Variants in MRTFA observed in about 807,000 individuals in gnomAD.
MRTFA encodes the protein myocardin-related transcription factor A.
A neutral mutation model predicts 83.5 loss-of-function variants in MRTFA; 20 were observed. That is an observed-to-expected ratio of 0.24 (90% CI 0.17 to 0.35). MRTFA has a LOEUF of 0.35. Among genes scored for constraint, MRTFA ranks in the 10% least tolerant of loss-of-function variants. MRTFA has a pLI of 1.00. For synonymous variants in MRTFA, 659 were observed against 541.2 expected, an observed-to-expected ratio of 1.22 and a Z score of -3.02; for missense variants, 1,200 against 1,224.7, an observed-to-expected ratio of 0.98 and a Z score of 0.30.
chr22:40,583,061 A>G (rs2055974285), intron 2 of MRTFA, among the ~76,000 whole-genome samples: 1 of 151,716 alleles, frequency 6.6e-6, no homozygotes, highest in Non-Finnish European at 1.5e-5. Flanking sequence ...AAATGGAGCT[A>G]TGAAAGAGCC....
At chr22:40,620,386 A>C (rs1165410443) in intron 1 of MRTFA, among the ~76,000 whole-genome samples, 1 of 149,782 alleles carries the variant, frequency 6.7e-6, no homozygotes, top group Admixed American at 6.6e-5. Context: ...AACCTCCCAA[A>C]GTGCTGGGAT....
At chr22:40,538,577 T>TA (rs61145348) in intron 3 of MRTFA, among the ~76,000 whole-genome samples, 107,031 of 150,312 alleles carry the variant, frequency 0.71, 38,297 homozygotes, top group African/African-American at 0.76. Context: ...AAAAATAAAT[T>TA]AAAAAAAAAA....
intron 4 of MRTFA, among the ~76,000 whole-genome samples, chr22:40,444,575 G>A (rs749085722): frequency 5.9e-5 from 9 of 152,084 alleles, no homozygotes; most frequent in Non-Finnish European, 8.8e-5. Context: ...GAATGACAGC[G>A]TATTTCTCAT....
chr22:40,555,569 A>G (rs1186074436), intron 2 of MRTFA, among the ~76,000 whole-genome samples: 2 of 150,952 alleles, frequency 1.3e-5, no homozygotes, highest in African/African-American at 4.8e-5. Flanking sequence ...ATTAAACCTC[A>G]TAAATTAAAA....
At chr22:40,533,517 A>T in intron 3 of MRTFA, 3 of 943,264 alleles carry the variant, frequency 3.2e-6, no homozygotes, top group Non-Finnish European at 4.1e-6. Context: ...CATTTTTTTT[A>T]AAGAAGCCTG....
chr22:40,412,324 A>G (rs2052575505), intron 14 of MRTFA: 1 of 153,668 alleles, frequency 6.5e-6, no homozygotes, highest in Non-Finnish European at 1.4e-5. Flanking sequence ...AATTTTTAAG[A>G]AAGTATTGGT....
chr22:40,596,520 G>C (rs1057439015), intron 1 of MRTFA, among the ~76,000 whole-genome samples: 2 of 152,110 alleles, frequency 1.3e-5, no homozygotes, highest in African/African-American at 4.8e-5. Flanking sequence ...GCAAAAATTA[G>C]GCTGGGCGCA....
At chr22:40,499,987 TCTCGG>T (rs927700560) in intron 3 of MRTFA, among the ~76,000 whole-genome samples, 1 of 134,374 alleles carries the variant, frequency 7.4e-6, no homozygotes, top group African/African-American at 2.8e-5. Flanking sequence ...AATGGTACGA[TCTCGG>T]CTCACCGGCT....
rs1036758430 is a variant in MRTFA at position 40,571,365 on chromosome 22, C to T, written c.-21-18998G>A. Among the ~76,000 whole-genome samples the T allele has an allele frequency of 7.2e-5, 11 of 152,114 alleles. No homozygotes were observed. In the South Asian group the frequency reaches 2.1e-3, roughly 29 times the overall value. The stretch of plus-strand genomic sequence containing the variant: ...ATCTTCATGACCTTCAATTAGGCAA[C>T]GGCTTCCTAAATAAAACAAAGTACA... On this transcript the variant is annotated intron_variant, in intron 2 of 14. Transcript: ENST00000355630.
intron 14 of MRTFA, among the ~76,000 whole-genome samples, chr22:40,413,059 C>G (rs556467750): frequency 2.0e-5 from 3 of 147,348 alleles, no homozygotes; most frequent in African/African-American, 7.6e-5. Flanking sequence ...ATGGCTTGAA[C>G]CCGGGAGGCG....
At position 40,435,670 on chromosome 22, in the gene MRTFA, C is replaced by T. The variant is rs142132593; in HGVS notation, c.308-116G>A. 4.9e-3 allele frequency: 5,501 copies of T among 1,116,880 alleles called. 28 individuals carry two copies. Among genetic ancestry groups the T allele is most frequent in the Non-Finnish European group, 5.7e-3 (4,237 of 741,128 alleles). 69.2% of individuals were successfully genotyped at this position (1,116,880 alleles called of 1,614,324 possible). ...GTTACTGGCTGGGCGTGGTGGCTCA[C>T]GCCTGTAATCCCAACACTTTGGGAG... On this transcript the variant is annotated intron_variant, in intron 4 of 14. Transcript: ENST00000355630.
intron 1 of MRTFA, among the ~76,000 whole-genome samples, chr22:40,628,365 T>C (rs1339483498): frequency 3.3e-5 from 5 of 152,138 alleles, no homozygotes; most frequent in Non-Finnish European, 7.4e-5. Flanking sequence ...TTCAGAACTT[T>C]GTTTGAATTA....
chr22:40,600,967 T>G lies in MRTFA; in HGVS notation c.-83-6232A>C, dbSNP rs893440254. Among the ~76,000 whole-genome samples, 94 of 152,154 alleles carry G rather than the reference T, an allele frequency of 6.2e-4. 1 individual carries two copies. Among genetic ancestry groups the G allele is most frequent in the East Asian group, 7.7e-4 (4 of 5,178 alleles). On this transcript the variant is annotated intron_variant, in intron 1 of 14. Transcript: ENST00000355630. ...TCCAGCCTGGGTGACAAAGCAAGAC[T>G]CCGTCTCAAAAAAAGCAAAACAAAA...
chr22:40,425,657 C>T (rs557702448), intron 7 of MRTFA, among the ~76,000 whole-genome samples: 1 of 152,346 alleles, frequency 6.6e-6, no homozygotes, highest in Non-Finnish European at 1.5e-5. Context: ...CAGAACAGGG[C>T]TTGCTGACCA....
At chr22:40,621,941 G>T (rs2056527738) in intron 1 of MRTFA, among the ~76,000 whole-genome samples, 1 of 152,142 alleles carries the variant, frequency 6.6e-6, no homozygotes, top group Non-Finnish European at 1.5e-5. Flanking sequence ...TTTAGATAAT[G>T]AGACTTTAAA....
intron 1 of MRTFA, among the ~76,000 whole-genome samples, chr22:40,629,801 T>A (rs1267173264): frequency 7.2e-5 from 10 of 139,854 alleles, no homozygotes; most frequent in African/African-American, 1.9e-4. Flanking sequence ...AAAAAAAAAA[T>A]TAGCCAAGCA....
At chr22:40,495,626 G>A (rs2054339685) in intron 3 of MRTFA, among the ~76,000 whole-genome samples, 1 of 151,164 alleles carries the variant, frequency 6.6e-6, no homozygotes, top group Non-Finnish European at 1.5e-5. Flanking sequence ...AAGTGTGGTG[G>A]CGGTCGCCTG....
rs1406518693 is a variant in MRTFA at position 40,416,364 on chromosome 22, G to A, written c.2578+622C>T. Among the ~76,000 whole-genome samples, 1 of 152,224 alleles carries A rather than the reference G, an allele frequency of 6.6e-6. No homozygotes were observed. Among genetic ancestry groups the A allele is most frequent in the Non-Finnish European group, 1.5e-5 (1 of 68,042 alleles). On this transcript the variant is annotated intron_variant, in intron 14 of 14. Transcript: ENST00000355630. This position sits in a 1 kb window ranked among gnomAD's most constrained non-coding sequence, Gnocchi z 4.2. ...CCTGGGGCTCCCTGCTTCTGCCCTT[G>A]CACGGCTACTATCGCCTGGGTCCTG...
intron 3 of MRTFA, among the ~76,000 whole-genome samples, chr22:40,551,070 C>T (rs1392248132): frequency 2.7e-5 from 2 of 74,006 alleles, no homozygotes; most frequent in Admixed American, 1.8e-4. Context: ...AGGCTGGTCT[C>T]GAACTCCCGA....
Sources: allele counts gnomAD v4.1 joint callset (sites outside exome capture counted in the v4.1 genomes callset), GRCh38; gene constraint gnomAD v4.1.1; non-coding constraint Gnocchi (gnomAD v3.1); transcripts MANE v1.5; gene names NCBI Gene and HGNC (gene_info 2026-07-23, HGNC 2026-07-21).